The following SH2D2A variants were observed in gnomAD, a reference collection of about 807,000 sequenced individuals.
The protein encoded by SH2D2A is SH2 domain containing 2A, also known as SH2 domain-containing protein 2A.
SH2D2A carries 33 observed loss-of-function variants against 43.6 expected under a neutral mutation model. The ratio of observed to expected loss-of-function variants is 0.76; its 90% CI spans 0.57 to 1.01. The LOEUF (loss-of-function observed/expected upper bound fraction) is 1.01, where lower values mean the gene tolerates loss of function less well. SH2D2A is among the 50% of genes least tolerant of loss of function. SH2D2A has a pLI of 0.00. For missense variants in SH2D2A, 491 were observed against 503.1 expected, an observed-to-expected ratio of 0.98 and a Z score of 0.23; for synonymous variants, 212 against 206.1, an observed-to-expected ratio of 1.03 and a Z score of -0.25.
At chr1:156,814,079 G>T in intron 4 of SH2D2A, 63 bp from the exon 5 acceptor site, 2 of 1,495,702 alleles carry the variant, frequency 1.3e-6, no homozygotes, top group Non-Finnish European at 1.8e-6. Context: ...CCAGCGAGAG[G>T]CGTGATCCCC....
At position 156,809,580 on chromosome 1, in the gene SH2D2A, G is replaced by C; in HGVS notation, c.714+81C>G. ...ACTCCCAGCCTGAGCCTCTGCCCCCGCTAGGCCCCTCCTCCTCCCCGCTGC... is the reference window on the plus strand; with the variant it reads ...ACTCCCAGCCTGAGCCTCTGCCCCCCCTAGGCCCCTCCTCCTCCCCGCTGC... On this transcript the variant is annotated intron_variant, in intron 6 of 8. Coordinates refer to ENST00000368199, the MANE Select transcript of SH2D2A (RefSeq NM_003975.4). The surrounding 1 kb of genome is among the most constrained non-coding windows in gnomAD (Gnocchi z 4.8). 1 of 1,554,624 alleles carries C rather than the reference G, an allele frequency of 6.4e-7. No individual in the cohort carries two copies. The highest frequency in any genetic ancestry group is 1.2e-5 in the South Asian group (1 of 81,368).
intron 5 of SH2D2A, among the ~76,000 whole-genome samples, chr1:156,811,416 C>T (rs1653410280): frequency 6.6e-6 from 1 of 152,192 alleles, no homozygotes; most frequent in African/African-American, 2.4e-5. Context: ...AAGTCAGACT[C>T]CTGAGAGCTT....
Position 156,807,399 on chromosome 1 carries a change from T to C in SH2D2A, c.1003-54A>G. The C allele has an allele frequency of 7.1e-7, 1 of 1,412,492 alleles. No homozygotes were observed. The highest frequency in any genetic ancestry group is 9.3e-7 in the Non-Finnish European group (1 of 1,072,704). 87.5% of individuals were successfully genotyped at this position (1,412,492 alleles called of 1,614,324 possible). ...CACCCTCTACCCTCTGCCTCCTAGGTGTACTTGCAGTCTCAAGACATCTGA... is the reference window on the plus strand; with the variant it reads ...CACCCTCTACCCTCTGCCTCCTAGGCGTACTTGCAGTCTCAAGACATCTGA... On this transcript the variant is annotated intron_variant, in intron 7 of 8. Transcript: ENST00000368199. This position sits in a 1 kb window ranked among gnomAD's most constrained non-coding sequence, Gnocchi z 5.1.
At chr1:156,814,338 T>A in intron 3 of SH2D2A, 44 bp from the exon 4 acceptor site, 3 of 1,593,150 alleles carry the variant, frequency 1.9e-6, no homozygotes, top group Non-Finnish European at 2.6e-6. Context: ...CTCTGACACT[T>A]CCAGCCTCGC....
intron 5 of SH2D2A, among the ~76,000 whole-genome samples, chr1:156,810,160 C>T (rs926714376): frequency 6.6e-6 from 1 of 152,168 alleles, no homozygotes. Flanking sequence ...CTCAGCCTCC[C>T]AAGTAGCTGG....
intron 5 of SH2D2A, among the ~76,000 whole-genome samples, chr1:156,810,202 T>C (rs190133831): frequency 4.6e-5 from 7 of 151,944 alleles, no homozygotes; most frequent in African/African-American, 1.2e-4. Flanking sequence ...CACCGGCTAA[T>C]TGTGTTTTCA....
intron 7 of SH2D2A, among the ~76,000 whole-genome samples, chr1:156,808,729 C>T (rs1367547793): frequency 1.3e-5 from 2 of 152,188 alleles, no homozygotes; most frequent in South Asian, 2.1e-4. Flanking sequence ...GCTGGGAGAG[C>T]AGGGTCCCCC....
intron 5 of SH2D2A, among the ~76,000 whole-genome samples, chr1:156,810,098 C>G (rs1653308760): frequency 6.6e-6 from 1 of 152,140 alleles, no homozygotes; most frequent in South Asian, 2.1e-4. Context: ...TGTGGTGGTG[C>G]AGTCTCAGCT....
chr1:156,814,989 G>C (rs377743716), intron 3 of SH2D2A, 48 bp downstream of exon 3: 4 of 1,430,284 alleles, frequency 2.8e-6, no homozygotes, highest in Non-Finnish European at 1.8e-6. Flanking sequence ...CCCAGACCCA[G>C]GACTTGCCCT....
At chr1:156,811,688 C>T (rs889906681) in intron 5 of SH2D2A, among the ~76,000 whole-genome samples, 1 of 152,216 alleles carries the variant, frequency 6.6e-6, no homozygotes, top group African/African-American at 2.4e-5. Context: ...CCACCCTCTG[C>T]CCTCACCCGC....
intron 5 of SH2D2A, 42 bp downstream of exon 5, chr1:156,813,806 C>A: frequency 7.3e-7 from 1 of 1,362,232 alleles, no homozygotes; most frequent in Non-Finnish European, 9.4e-7. Flanking sequence ...GGGGCGCTGG[C>A]CCGAGACCCT....
intron 5 of SH2D2A, among the ~76,000 whole-genome samples, chr1:156,812,211 C>A (rs191683972): frequency 6.6e-6 from 1 of 152,244 alleles, no homozygotes; most frequent in Admixed American, 6.5e-5. Flanking sequence ...CTGACCCAGG[C>A]TGCCATCATT....
chr1:156,811,294 C>T (rs1653399400), intron 5 of SH2D2A, among the ~76,000 whole-genome samples: 1 of 152,186 alleles, frequency 6.6e-6, no homozygotes, highest in Non-Finnish European at 1.5e-5. Context: ...GGCCTCCTGA[C>T]TCCTCCCCCT....
chr1:156,810,184 T>C (rs1243476476), intron 5 of SH2D2A, among the ~76,000 whole-genome samples: 1 of 151,896 alleles, frequency 6.6e-6, no homozygotes, highest in Non-Finnish European at 1.5e-5. Context: ...TACAGGCATG[T>C]GCCACCACAC....
At position 156,807,010 on chromosome 1, in the gene SH2D2A, A is replaced by C. The variant is rs1219414055; in HGVS notation, c.*3+165T>G. On this transcript the variant is annotated intron_variant, in intron 8 of 8. Transcript: ENST00000368199. This position sits in a 1 kb window ranked among gnomAD's most constrained non-coding sequence, Gnocchi z 5.1. ...ACCAATGGATTGGAGTTGGCATGCA[A>C]GATGACACCTCTTTGCCATCCTTGC... is the stretch of plus-strand genomic sequence containing the variant. Among the ~76,000 whole-genome samples the C allele has an allele frequency of 6.6e-6, 1 of 152,212 alleles. No homozygotes were observed. The highest frequency in any genetic ancestry group is 1.5e-5 in the Non-Finnish European group (1 of 68,030).
chr1:156,814,157 C>A (rs956206591), intron 4 of SH2D2A, 48 bp downstream of exon 4: 45 of 1,609,008 alleles, frequency 2.8e-5, no homozygotes, highest in Non-Finnish European at 3.7e-5. Flanking sequence ...AGCCCCGCCC[C>A]TCCCGAGCCC....
rs569246789 is a variant in SH2D2A, at chr1:156,812,967, C to T, written c.567+881G>A. ...CAGCACTGCCTGAACTTGTGCACCGCTGCCTGCTAGGCTAAATGGTACCCT... is the reference window on the plus strand; with the variant it reads ...CAGCACTGCCTGAACTTGTGCACCGTTGCCTGCTAGGCTAAATGGTACCCT... On this transcript the variant is annotated intron_variant, in intron 5 of 8. Transcript: ENST00000368199. Among the ~76,000 whole-genome samples, 8 of 152,320 alleles carry T rather than the reference C, an allele frequency of 5.3e-5. No homozygotes were observed. The South Asian group carries it at 1.7e-3, about 32-fold the overall frequency.
chr1:156,808,303 AC>A (rs1653120054), intron 7 of SH2D2A, among the ~76,000 whole-genome samples: 1 of 152,124 alleles, frequency 6.6e-6, no homozygotes, highest in Admixed American at 6.6e-5. Context: ...AGCAATCAGG[AC>A]AGTGAACATG....
chr1:156,808,892 G>A (rs560754947), intron 7 of SH2D2A, among the ~76,000 whole-genome samples: 2 of 152,330 alleles, frequency 1.3e-5, no homozygotes, highest in East Asian at 1.9e-4. Flanking sequence ...CAAGATGGAC[G>A]CAGATCAAAA....
Sources: gnomAD v4.1 joint callset for allele counts (sites outside exome capture counted in the v4.1 genomes callset) on GRCh38, gnomAD v4.1.1 for gene constraint, Gnocchi (gnomAD v3.1) non-coding constraint, MANE v1.5 for transcripts, NCBI Gene and HGNC (gene_info 2026-07-23, HGNC 2026-07-21) for gene names.